Variants in COL28A1 observed in about 807,000 individuals in gnomAD.
COL28A1 encodes collagen alpha-1(XXVIII) chain.
In COL28A1, 161 loss-of-function variants were observed where a neutral mutation model predicts 150.2. The observed-to-expected ratio is 1.07, with a 90% CI of 0.94 to 1.22. The LOEUF is 1.22. Among genes scored for constraint, COL28A1 ranks in the 50% most tolerant of loss-of-function variants. COL28A1 has a pLI of 0.00. For synonymous variants in COL28A1, 552 were observed against 469.7 expected, an observed-to-expected ratio of 1.18 and a Z score of -2.26; for missense variants, 1,617 against 1,388.3, an observed-to-expected ratio of 1.16 and a Z score of -2.62.
At chr7:7,427,611 G>C (rs1305968855) in intron 25 of COL28A1, among the ~76,000 whole-genome samples, 1 of 152,086 alleles carries the variant, frequency 6.6e-6, no homozygotes, top group Non-Finnish European at 1.5e-5. Flanking sequence ...TCAGATGCTG[G>C]GAACATTTTT....
rs188299019 is a variant in COL28A1, at chr7:7,459,817, A to C, written c.1303-3705T>G. Among the ~76,000 whole-genome samples the C allele has an allele frequency of 1.4e-3, 217 of 152,382 alleles. 1 individual carries two copies. The highest frequency in any genetic ancestry group is 9.0e-4 in the Non-Finnish European group (61 of 68,038). Reference sequence around the variant, plus strand: ...ACATGAACAATTTGACAAATCATCAAGATCAAACAAGGCCACCCCATGACT... The same window carrying C: ...ACATGAACAATTTGACAAATCATCACGATCAAACAAGGCCACCCCATGACT... On this transcript the variant is annotated intron_variant, in intron 15 of 34. Transcript: ENST00000399429.
intron 9 of COL28A1, among the ~76,000 whole-genome samples, chr7:7,510,652 A>T (rs1781080908): frequency 6.6e-6 from 1 of 152,164 alleles, no homozygotes; most frequent in African/African-American, 2.4e-5. Context: ...TCAAAATTCC[A>T]AATCTCTATG....
chr7:7,527,204 C>A (rs375152772), intron 3 of COL28A1, among the ~76,000 whole-genome samples: 8 of 152,284 alleles, frequency 5.3e-5, no homozygotes, highest in African/African-American at 1.9e-4. Flanking sequence ...AAGACTGTTT[C>A]AAACAAAGAA....
At chr7:7,366,081 C>T (rs965028650) in intron 33 of COL28A1, among the ~76,000 whole-genome samples, 1 of 152,152 alleles carries the variant, frequency 6.6e-6, no homozygotes. Flanking sequence ...TGCATTCTGG[C>T]TTTACCCAGT....
Position 7,457,406 on chromosome 7 carries a change from G to C in COL28A1, c.1303-1294C>G, listed in dbSNP as rs118055141. 2.5e-3 allele frequency among the ~76,000 whole-genome samples: 381 copies of C among 152,276 alleles called. 3 individuals are homozygous for C. Among genetic ancestry groups the C allele is most frequent in the South Asian group, 0.013 (65 of 4,830 alleles). On this transcript the variant is annotated intron_variant, in intron 15 of 34. Coordinates refer to ENST00000399429, the MANE Select transcript of COL28A1 (RefSeq NM_001037763.3). The stretch of plus-strand genomic sequence containing the variant: ...GACTGAAAGGACTCTTGGCAGAATA[G>C]AGTTGTCATTGACTGAGAAGAAAAA...
At chr7:7,478,392 T>C (rs1427376104) in intron 13 of COL28A1, among the ~76,000 whole-genome samples, 2 of 152,120 alleles carry the variant, frequency 1.3e-5, no homozygotes, top group African/African-American at 4.8e-5. Flanking sequence ...TTGAGCTAGA[T>C]ACAGAGTGCT....
At chr7:7,466,477 T>C (rs1471977079) in intron 15 of COL28A1, among the ~76,000 whole-genome samples, 3 of 102,256 alleles carry the variant, frequency 2.9e-5, no homozygotes, top group Non-Finnish European at 5.5e-5. Context: ...AATCTACGTC[T>C]GATTGGTGTA....
intron 34 of COL28A1, among the ~76,000 whole-genome samples, chr7:7,360,068 C>A (rs1249836433): frequency 6.6e-6 from 1 of 152,086 alleles, no homozygotes; most frequent in African/African-American, 2.4e-5. Flanking sequence ...ACATGTAAGA[C>A]AATAGGGAGC....
At chr7:7,411,135 G>C (rs1032280135) in intron 27 of COL28A1, among the ~76,000 whole-genome samples, 1 of 152,096 alleles carries the variant, frequency 6.6e-6, no homozygotes, top group Non-Finnish European at 1.5e-5. Context: ...ATCTTTTCTT[G>C]TAAAGGGAAG....
Position 7,461,913 on chromosome 7 carries a change from C to T in COL28A1, c.1303-5801G>A, listed in dbSNP as rs1279554756. Among the ~76,000 whole-genome samples the T allele has an allele frequency of 2.0e-5, 3 of 152,306 alleles. No individual in the cohort carries two copies. In the South Asian group the frequency reaches 6.2e-4, roughly 32 times the overall value. The stretch of plus-strand genomic sequence containing the variant: ...AACTGATGCTCTCTTGAAAACACCA[C>T]CTCCCAGGAGGAGGCCAACCGGCAC... On this transcript the variant is annotated intron_variant, in intron 15 of 34. Coordinates refer to ENST00000399429, the MANE Select transcript of COL28A1 (RefSeq NM_001037763.3).
chr7:7,370,761 T>G lies in COL28A1; in HGVS notation c.3030A>C (p.Glu1010Asp). The part of the protein sequence containing the change: ...GFGMSGEELS[E>D]STPEPQKEIS... ...TTTCTTTTTGAGGCTCTGGAGTAGA[T>G]TCACTGAGTTCTTCCCCTGACATCC... Residue 1010 changes from glutamate (E) to aspartate (D), a missense_variant, in exon 33 of 35, where the codon GAA becomes GAC. Transcript: ENST00000399429. 1 of 1,613,870 alleles carries G rather than the reference T, an allele frequency of 6.2e-7. No homozygotes were observed. The highest frequency in any genetic ancestry group is 8.5e-7 in the Non-Finnish European group (1 of 1,179,884).
rs571838302 is a variant in COL28A1 at position 7,415,470 on chromosome 7, G to A, written c.2136+2389C>T. Among the ~76,000 whole-genome samples, 7 of 152,314 alleles carry A rather than the reference G, an allele frequency of 4.6e-5. No individual in the cohort carries two copies. The South Asian group carries it at 1.5e-3, about 32-fold the overall frequency. On this transcript the variant is annotated intron_variant, in intron 27 of 34. Transcript: ENST00000399429. ...AAATGAGATGGAAGTCCTGAGGGAC[G>A]AACCTCTGCCCTGCTACCAACTGGA...
At chr7:7,515,973 G>A (rs1781394347) in intron 7 of COL28A1, 133 bp from the exon 8 acceptor site, 1 of 577,154 alleles carries the variant, frequency 1.7e-6, no homozygotes, top group Non-Finnish European at 3.1e-6. Context: ...TCATAGAAAT[G>A]TAAACTGTTC....
chr7:7,428,877 T>C (rs541840534), intron 25 of COL28A1, among the ~76,000 whole-genome samples: 6 of 152,334 alleles, frequency 3.9e-5, no homozygotes, highest in African/African-American at 1.2e-4. Flanking sequence ...TTCAAGGTAA[T>C]TGTATCCAGA....
At chr7:7,402,174 T>C (rs546237442) in intron 27 of COL28A1, among the ~76,000 whole-genome samples, 88 of 152,360 alleles carry the variant, frequency 5.8e-4, no homozygotes, top group African/African-American at 2.1e-3. Context: ...GAAACTGTTT[T>C]GCACATTGAC....
chr7:7,345,513 C>G, the COL28A1 span, among the ~76,000 whole-genome samples: 1 of 151,966 alleles, frequency 6.6e-6, no homozygotes, highest in South Asian at 2.1e-4. Flanking sequence ...CTTCCTATAC[C>G]ATTTTTTATA....
At chr7:7,523,537 G>A (rs547025748) in intron 4 of COL28A1, among the ~76,000 whole-genome samples, 3 of 152,030 alleles carry the variant, frequency 2.0e-5, no homozygotes, top group East Asian at 1.9e-4. Flanking sequence ...ATGGTGTGAC[G>A]TAGGTTTGGT....
intron 33 of COL28A1, among the ~76,000 whole-genome samples, chr7:7,368,167 T>G (rs893379321): frequency 6.6e-6 from 1 of 152,100 alleles, no homozygotes; most frequent in Non-Finnish European, 1.5e-5. Context: ...GACTATATGA[T>G]TCTTGCTTTT....
At chr7:7,393,729 TC>T (rs1293620325) in intron 27 of COL28A1, among the ~76,000 whole-genome samples, 1 of 152,172 alleles carries the variant, frequency 6.6e-6, no homozygotes, top group African/African-American at 2.4e-5. Flanking sequence ...AATTGGGACT[TC>T]CCCGCAACTT....
Sources: allele counts gnomAD v4.1 joint callset (sites outside exome capture counted in the v4.1 genomes callset), GRCh38; gene constraint gnomAD v4.1.1; transcripts MANE v1.5; gene names NCBI Gene and HGNC (gene_info 2026-07-23, HGNC 2026-07-21).